ASTN2: variants seen among roughly 807,000 people sequenced by gnomAD.
ASTN2 encodes the protein astrotactin-2.
Under a neutral mutation model 139.8 loss-of-function variants are expected in ASTN2, and 54 were observed. The observed-to-expected ratio is 0.39, with a 90% CI of 0.31 to 0.48. ASTN2 has a LOEUF of 0.48. ASTN2 is among the 20% of genes least tolerant of loss of function. The pLI is 0.95. For missense variants in ASTN2, 1,565 were observed against 1,725.1 expected, an observed-to-expected ratio of 0.91 and a Z score of 1.64; for synonymous variants, 756 against 719.5, an observed-to-expected ratio of 1.05 and a Z score of -0.81.
chr9:116,675,288 C>T (rs1859437572), intron 16 of ASTN2, among the ~76,000 whole-genome samples: 2 of 152,156 alleles, frequency 1.3e-5, no homozygotes, highest in South Asian at 2.1e-4. Context: ...CAGTCTGTAG[C>T]TCCATTGTAG....
intron 19 of ASTN2, among the ~76,000 whole-genome samples, chr9:116,523,949 A>T (rs1850985254): frequency 6.6e-6 from 1 of 152,154 alleles, no homozygotes; most frequent in South Asian, 2.1e-4. Flanking sequence ...AGATGCATGG[A>T]CTATATTTTA....
intron 10 of ASTN2, among the ~76,000 whole-genome samples, chr9:116,966,091 T>A (rs948419934): frequency 1.3e-5 from 2 of 152,156 alleles, no homozygotes; most frequent in African/African-American, 2.4e-5. Flanking sequence ...AATCATACTT[T>A]CATGTGTCTC....
At chr9:116,539,400 T>C (rs1309270967) in intron 19 of ASTN2, among the ~76,000 whole-genome samples, 3 of 149,388 alleles carry the variant, frequency 2.0e-5, no homozygotes, top group Admixed American at 2.0e-4. Context: ...AAAAAAGAAA[T>C]GTAACATTAC....
chr9:116,976,852 G>C, intron 7 of ASTN2, 67 bp from the exon 8 acceptor site: 1 of 1,466,984 alleles, frequency 6.8e-7, no homozygotes, highest in Non-Finnish European at 9.4e-7. Flanking sequence ...TCTCTGGTTT[G>C]CTTGTTTTCC....
chr9:116,501,043 T>C (rs1248075994), intron 19 of ASTN2, among the ~76,000 whole-genome samples: 1 of 152,148 alleles, frequency 6.6e-6, no homozygotes, highest in African/African-American at 2.4e-5. Context: ...TTTCTAAATA[T>C]ACACCTCAAA....
chr9:117,029,527 A>G (rs1253045217), intron 6 of ASTN2, among the ~76,000 whole-genome samples: 2 of 152,108 alleles, frequency 1.3e-5, no homozygotes, highest in Non-Finnish European at 2.9e-5. Flanking sequence ...ATTATGAATC[A>G]TTCACACTGA....
chr9:117,195,446 G>A (rs563885009), intron 3 of ASTN2, among the ~76,000 whole-genome samples: 2 of 152,136 alleles, frequency 1.3e-5, no homozygotes, highest in Non-Finnish European at 2.9e-5. Flanking sequence ...ACAACAGAGT[G>A]GCTGCAGTGT....
At chr9:117,141,548 A>G (rs13291457) in intron 3 of ASTN2, 70 bp from the exon 4 acceptor site, 312,294 of 1,287,118 alleles carry the variant, frequency 0.24, 39,180 homozygotes, top group Middle Eastern at 0.35. Context: ...CTGGGGCTGA[A>G]GTTAGGGCTT....
intron 19 of ASTN2, among the ~76,000 whole-genome samples, chr9:116,508,942 G>A (rs1402618109): frequency 6.6e-6 from 1 of 152,216 alleles, no homozygotes; most frequent in African/African-American, 2.4e-5. Context: ...GCACTTCTGA[G>A]TGTGGGCTCA....
intron 3 of ASTN2, among the ~76,000 whole-genome samples, chr9:117,151,101 G>C (rs977757562): frequency 6.6e-6 from 1 of 151,900 alleles, no homozygotes; most frequent in Non-Finnish European, 1.5e-5. Flanking sequence ...TGGCTCAAGG[G>C]GTCCTCCCAC....
At chr9:117,261,467 C>T (rs556516845) in intron 2 of ASTN2, among the ~76,000 whole-genome samples, 11 of 152,270 alleles carry the variant, frequency 7.2e-5, no homozygotes, top group African/African-American at 1.9e-4. Context: ...ACTTTCATGG[C>T]TATGCTTGAA....
In ASTN2 at chr9:117,164,052, C is replaced by T. The variant is rs183810640; in HGVS notation, c.1016-22574G>A. ...TTCAAAGCACTGATCTTTTTGAGTT[C>T]AGTGATTTTTTGATTGATAAACAAT... is the stretch of plus-strand genomic sequence containing the variant. On this transcript the variant is annotated intron_variant, in intron 3 of 22. Transcript: ENST00000313400. 5.9e-4 allele frequency among the ~76,000 whole-genome samples: 90 copies of T among 151,908 alleles called. No homozygotes were observed. The East Asian group carries it at 1.0e-2, about 17-fold the overall frequency.
intron 3 of ASTN2, among the ~76,000 whole-genome samples, chr9:117,158,726 G>T (rs1176848967): frequency 1.3e-5 from 2 of 151,934 alleles, no homozygotes; most frequent in Non-Finnish European, 2.9e-5. Flanking sequence ...AAATGTGCAG[G>T]GGGGCTTGTG....
intron 13 of ASTN2, among the ~76,000 whole-genome samples, chr9:116,754,971 G>A (rs1383452465): frequency 6.6e-6 from 1 of 152,076 alleles, no homozygotes; most frequent in Non-Finnish European, 1.5e-5. Context: ...CCTGGACACG[G>A]ACTCATCACT....
intron 2 of ASTN2, among the ~76,000 whole-genome samples, chr9:117,255,209 A>C (rs1480535609): frequency 6.6e-6 from 1 of 152,208 alleles, no homozygotes; most frequent in South Asian, 2.1e-4. Context: ...GCTTCAGAGA[A>C]AGGATGGAAG....
chr9:116,674,459 C>T (rs1439358736), intron 16 of ASTN2, among the ~76,000 whole-genome samples: 1 of 152,182 alleles, frequency 6.6e-6, no homozygotes, highest in Admixed American at 6.5e-5. Context: ...TTAATCTGGT[C>T]GCCCTCCCCC....
At chr9:116,618,016 T>C (rs866881482) in intron 19 of ASTN2, among the ~76,000 whole-genome samples, 1 of 152,328 alleles carries the variant, frequency 6.6e-6, no homozygotes, top group African/African-American at 2.4e-5. Flanking sequence ...CCTTCAAGCA[T>C]GAGTCCTGCA....
chr9:116,924,331 G>A (rs1463867440), intron 10 of ASTN2, among the ~76,000 whole-genome samples: 1 of 150,082 alleles, frequency 6.7e-6, no homozygotes, highest in African/African-American at 2.5e-5. Context: ...TCAGGTGGCT[G>A]AGGCAGGAGA....
intron 12 of ASTN2, among the ~76,000 whole-genome samples, chr9:116,812,752 A>G (rs1319714008): frequency 6.6e-6 from 1 of 152,106 alleles, no homozygotes; most frequent in South Asian, 2.1e-4. Flanking sequence ...GCTGGGAATC[A>G]AAACTTAGGA....
Sources: gnomAD v4.1 joint callset for allele counts (sites outside exome capture counted in the v4.1 genomes callset) on GRCh38, gnomAD v4.1.1 for gene constraint, MANE v1.5 for transcripts, NCBI Gene and HGNC (gene_info 2026-07-23, HGNC 2026-07-21) for gene names.